The following SYT16 variants were observed in gnomAD, a reference collection of about 807,000 sequenced individuals.
The protein encoded by SYT16 is synaptotagmin 16, also known as synaptotagmin-16.
In SYT16, 42 loss-of-function variants were observed where a neutral mutation model predicts 61.4. The observed-to-expected ratio is 0.68, with a 90% confidence interval of 0.53 to 0.89. SYT16 has a LOEUF of 0.89. SYT16 is among the 40% of genes least tolerant of loss of function. The pLI is 0.00. For synonymous variants in SYT16, 314 were observed against 302.3 expected (o/e 1.04, Z -0.40); for missense variants, 804 against 807.3 (o/e 1.00, Z 0.05).
chr14:61,988,367 T>C (rs2052407681), intron 2 of SYT16, among the ~76,000 whole-genome samples: 1 of 152,180 alleles, frequency 6.6e-6, no homozygotes, highest in South Asian at 2.1e-4. Flanking sequence ...TGTTAAATAG[T>C]CCCCCTGGAG....
intron 2 of SYT16, among the ~76,000 whole-genome samples, chr14:61,992,930 T>A (rs1288932260): frequency 6.6e-6 from 1 of 152,172 alleles, no homozygotes; most frequent in Admixed American, 6.6e-5. Flanking sequence ...TCATAATGGC[T>A]TTTTTTCTTT....
chr14:62,036,860 C>G (rs2054529908), intron 3 of SYT16, among the ~76,000 whole-genome samples: 1 of 152,122 alleles, frequency 6.6e-6, no homozygotes, highest in Non-Finnish European at 1.5e-5. Flanking sequence ...CACAGGCACA[C>G]CATATACTGA....
intron 5 of SYT16, chr14:62,077,513 C>A (rs1370829639): frequency 6.6e-6 from 1 of 152,200 alleles, no homozygotes; most frequent in African/African-American, 2.4e-5. Context: ...AGGTGTCCCA[C>A]TTTTCATCTC....
At chr14:61,965,375 G>GA (rs2051274562) in intron 1 of SYT16, among the ~76,000 whole-genome samples, 1 of 152,158 alleles carries the variant, frequency 6.6e-6, no homozygotes, top group South Asian at 2.1e-4. Flanking sequence ...CATAAGCACA[G>GA]AAAAAGATGA....
intron 1 of SYT16, among the ~76,000 whole-genome samples, chr14:61,946,573 C>G (rs2050447167): frequency 6.6e-6 from 1 of 152,160 alleles, no homozygotes; most frequent in African/African-American, 2.4e-5. Context: ...AAAACATTCT[C>G]AGGTACTGTT....
At chr14:61,963,223 A>G (rs954637641) in intron 1 of SYT16, among the ~76,000 whole-genome samples, 2 of 152,150 alleles carry the variant, frequency 1.3e-5, no homozygotes, top group Non-Finnish European at 2.9e-5. Flanking sequence ...CTCACTTTAA[A>G]TCAAAAGCTG....
chr14:61,891,421 A>G (rs2048127467), intron 1 of SYT16, among the ~76,000 whole-genome samples: 1 of 152,126 alleles, frequency 6.6e-6, no homozygotes, highest in African/African-American at 2.4e-5. Context: ...ATTCAGAACA[A>G]TGCATTTCAG....
At chr14:62,068,163 C>A (rs942347665) in intron 3 of SYT16, among the ~76,000 whole-genome samples, 4 of 151,706 alleles carry the variant, frequency 2.6e-5, no homozygotes, top group African/African-American at 9.7e-5. Flanking sequence ...CGTCAGTGGA[C>A]AAATGGATAA....
intron 1 of SYT16, among the ~76,000 whole-genome samples, chr14:61,879,534 G>T (rs1312657296): frequency 3.9e-5 from 6 of 152,010 alleles, no homozygotes; most frequent in African/African-American, 1.5e-4. Flanking sequence ...AGTTTCCATG[G>T]GTCCCTTGCT....
intron 1 of SYT16, among the ~76,000 whole-genome samples, chr14:61,920,447 C>T (rs370141158): frequency 6.6e-6 from 1 of 152,068 alleles, no homozygotes; most frequent in Non-Finnish European, 1.5e-5. Flanking sequence ...TCCAACAGGC[C>T]CCGGTGTGTG....
At position 62,104,672 on chromosome 14, in the gene SYT16, G is replaced by A. The variant is rs906122176; in HGVS notation, c.*3965G>A. ...ATTTAAAGATGGGAGAAACGAAACTGTGCTAAGACAATGAGATTGGCATAG... is the reference window on the plus strand; with the variant it reads ...ATTTAAAGATGGGAGAAACGAAACTATGCTAAGACAATGAGATTGGCATAG... On this transcript the variant is annotated 3_prime_UTR_variant, in exon 8 of 8. Transcript: ENST00000683842. 2 of 152,214 alleles carry A rather than the reference G, an allele frequency of 1.3e-5. No individual in the cohort carries two copies. Among genetic ancestry groups the A allele is most frequent in the Non-Finnish European group, 2.9e-5 (2 of 68,036 alleles). 9.4% of individuals were successfully genotyped at this position (152,214 alleles called of 1,614,324 possible). A position where few individuals can be genotyped will look rare whatever the true frequency, so the allele number is the denominator to read the frequency against.
intron 3 of SYT16, among the ~76,000 whole-genome samples, chr14:62,011,156 T>C (rs1394537880): frequency 6.6e-6 from 1 of 152,190 alleles, no homozygotes; most frequent in Non-Finnish European, 1.5e-5. Context: ...TAAGCAAAGA[T>C]AAAGGTGTGA....
At chr14:61,941,538 T>C (rs189573467) in intron 1 of SYT16, among the ~76,000 whole-genome samples, 4 of 152,310 alleles carry the variant, frequency 2.6e-5, no homozygotes, top group Admixed American at 2.0e-4. Context: ...TTTCCCTCTT[T>C]CCAGCACAAT....
chr14:62,068,392 A>G (rs1469910424), intron 3 of SYT16, among the ~76,000 whole-genome samples: 1 of 141,340 alleles, frequency 7.1e-6, no homozygotes, highest in Non-Finnish European at 1.6e-5. Flanking sequence ...AAACAAAACA[A>G]AACAAAACAA....
chr14:61,989,384 G>A (rs759076369), intron 2 of SYT16, among the ~76,000 whole-genome samples: 10 of 152,142 alleles, frequency 6.6e-5, no homozygotes, highest in Middle Eastern at 3.4e-3. Context: ...CCAACATGGC[G>A]AAACCCCGTT....
At chr14:61,986,414 C>T (rs971831224) in intron 2 of SYT16, among the ~76,000 whole-genome samples, 1 of 150,312 alleles carries the variant, frequency 6.7e-6, no homozygotes, top group African/African-American at 2.4e-5. Flanking sequence ...ATTATTAGAA[C>T]AGGTACTTTT....
At chr14:61,854,145 T>C (rs1272577476) in intron 1 of SYT16, among the ~76,000 whole-genome samples, 1 of 152,172 alleles carries the variant, frequency 6.6e-6, no homozygotes, top group Non-Finnish European at 1.5e-5. Context: ...CATGTATACA[T>C]GTATATATAC....
At chr14:61,858,629 G>T (rs1013309160) in intron 1 of SYT16, among the ~76,000 whole-genome samples, 1 of 152,044 alleles carries the variant, frequency 6.6e-6, no homozygotes, top group Non-Finnish European at 1.5e-5. Flanking sequence ...GGCATAAGTC[G>T]CACCAAGGAA....
chr14:61,980,106 G>A (rs760287555), intron 2 of SYT16, among the ~76,000 whole-genome samples: 5 of 152,012 alleles, frequency 3.3e-5, no homozygotes, highest in African/African-American at 1.2e-4. Context: ...TTTGTCACCC[G>A]TCTCCACTGG....
Sources: allele counts gnomAD v4.1 joint callset (sites outside exome capture counted in the v4.1 genomes callset), GRCh38; gene constraint gnomAD v4.1.1; transcripts MANE v1.5; gene names NCBI Gene and HGNC (gene_info 2026-07-23, HGNC 2026-07-21).